Variants in MAP2K6 observed in about 807,000 individuals in gnomAD.
MAP2K6 encodes mitogen-activated protein kinase kinase 6, also known as dual specificity mitogen-activated protein kinase kinase 6.
A neutral mutation model predicts 53.7 loss-of-function variants in MAP2K6; 16 were observed. That is an observed-to-expected ratio of 0.30 (90% CI 0.20 to 0.45). The LOEUF (loss-of-function observed/expected upper bound fraction) is 0.45, where lower values mean the gene tolerates loss of function less well. MAP2K6 is among the 20% of genes least tolerant of loss of function. The pLI is 1.00. For synonymous variants in MAP2K6, 132 were observed against 143.1 expected, an observed-to-expected ratio of 0.92 and a Z score of 0.55; for missense variants, 204 against 411.9, an observed-to-expected ratio of 0.50 and a Z score of 4.37.
rs545599117 is a variant in MAP2K6 at position 69,452,100 on chromosome 17, C to T, written c.16+37100C>T. On this transcript the variant is annotated intron_variant, in intron 1 of 11. Coordinates refer to ENST00000590474, the MANE Select transcript of MAP2K6 (RefSeq NM_002758.4). ...AGAGTCTATGGACAAGTTCCCCTAA[C>T]GCAGTGCTTCTCAACGGAGGGTGGG... Among the ~76,000 whole-genome samples the T allele has an allele frequency of 2.5e-3, 377 of 151,976 alleles. 3 individuals carry two copies. Among genetic ancestry groups the T allele is most frequent in the African/African-American group, 8.6e-3 (355 of 41,416 alleles).
intron 9 of MAP2K6, 54 bp from the exon 10 acceptor site, chr17:69,526,516 T>G (rs1378183637): frequency 6.3e-7 from 1 of 1,581,436 alleles, no homozygotes; most frequent in Non-Finnish European, 8.6e-7. Context: ...CGTGGGTGAT[T>G]CCCTAAAGCA....
intron 1 of MAP2K6, among the ~76,000 whole-genome samples, chr17:69,437,992 A>G (rs1366735389): frequency 6.6e-6 from 1 of 152,238 alleles, no homozygotes; most frequent in Non-Finnish European, 1.5e-5. Flanking sequence ...ATGAAAACCT[A>G]GTATCTGGAG....
chr17:69,444,523 A>G (rs567666021), intron 1 of MAP2K6, among the ~76,000 whole-genome samples: 10 of 152,340 alleles, frequency 6.6e-5, no homozygotes, highest in African/African-American at 2.4e-4. Flanking sequence ...GGTCTGGTGC[A>G]ATATAACACA....
At chr17:69,517,928 C>T (rs543699482) in intron 4 of MAP2K6, among the ~76,000 whole-genome samples, 20 of 152,250 alleles carry the variant, frequency 1.3e-4, no homozygotes, top group East Asian at 9.7e-4. Context: ...TGGTGGCTCA[C>T]GCCTGTAATC....
At chr17:69,418,116 G>T (rs142650796) in intron 1 of MAP2K6, among the ~76,000 whole-genome samples, 117 of 152,178 alleles carry the variant, frequency 7.7e-4, no homozygotes, top group Admixed American at 2.0e-3. Context: ...TGTACCAGAC[G>T]GACTTGTCAT....
rs1469444608 is a variant in MAP2K6 at position 69,546,262 on chromosome 17, C to G, written c.*4509C>G. ...TGCCATTGGCTAATTCATTTTTTAA[C>G]TGCAACCCTACTCTTCTTTGCTGTT... On this transcript the variant is annotated 3_prime_UTR_variant, in exon 12 of 12. Transcript: ENST00000590474. The G allele has an allele frequency of 1.3e-5, 2 of 152,120 alleles. No homozygotes were observed. Among genetic ancestry groups the G allele is most frequent in the Non-Finnish European group, 2.9e-5 (2 of 68,024 alleles). The allele number at this position is 152,120 out of a possible 1,614,324, so 9.4% of individuals were successfully genotyped here.
At chr17:69,521,836 A>G (rs1398940136) in intron 7 of MAP2K6, 1 of 138,544 alleles carries the variant, frequency 7.2e-6, no homozygotes, top group Admixed American at 7.2e-5. Context: ...AAAAAAAACC[A>G]CCTTAGAAAT....
rs900503846 is a variant in MAP2K6 at position 69,542,747 on chromosome 17, G to A, written c.*994G>A. 6 of 152,134 alleles carry A rather than the reference G, an allele frequency of 3.9e-5. No individual in the cohort carries two copies. Among genetic ancestry groups the A allele is most frequent in the African/African-American group, 1.4e-4 (6 of 41,418 alleles). 9.4% of individuals were successfully genotyped at this position (152,134 alleles called of 1,614,324 possible). Reference sequence around the variant, plus strand: ...AGAAAAAAATGGTGCCTTCTTCTGCGTTTGTCCCTCCTGCCATGTGTAAGT... The same window carrying A: ...AGAAAAAAATGGTGCCTTCTTCTGCATTTGTCCCTCCTGCCATGTGTAAGT... On this transcript the variant is annotated 3_prime_UTR_variant, in exon 12 of 12. Coordinates refer to ENST00000590474, the MANE Select transcript of MAP2K6 (RefSeq NM_002758.4).
intron 1 of MAP2K6, among the ~76,000 whole-genome samples, chr17:69,476,051 G>A (rs375250392): frequency 1.3e-5 from 2 of 152,106 alleles, no homozygotes; most frequent in South Asian, 4.2e-4. Flanking sequence ...CCTATGGAGT[G>A]GATTGGAATT....
At chr17:69,467,148 A>T (rs938384001) in intron 1 of MAP2K6, among the ~76,000 whole-genome samples, 1 of 152,192 alleles carries the variant, frequency 6.6e-6, no homozygotes, top group Admixed American at 6.5e-5. Flanking sequence ...TGTTCCACTA[A>T]TTATTTCTTC....
At chr17:69,470,718 G>T (rs1907958253) in intron 1 of MAP2K6, among the ~76,000 whole-genome samples, 1 of 152,184 alleles carries the variant, frequency 6.6e-6, no homozygotes, top group Non-Finnish European at 1.5e-5. Flanking sequence ...GGCACTACCT[G>T]CTTACCTCTG....
intron 1 of MAP2K6, among the ~76,000 whole-genome samples, chr17:69,438,866 T>G (rs1158081247): frequency 6.6e-6 from 1 of 152,236 alleles, no homozygotes; most frequent in Non-Finnish European, 1.5e-5. Flanking sequence ...ATTGCAGGCA[T>G]GAGCCACCGC....
intron 1 of MAP2K6, among the ~76,000 whole-genome samples, chr17:69,459,709 CAAAAAAA>C (rs71144694): frequency 1.8e-5 from 1 of 55,918 alleles, no homozygotes; most frequent in Non-Finnish European, 2.9e-5. Context: ...GACTCTGTCT[CAAAAAAA>C]AAAAAAAAAA....
Position 69,449,739 on chromosome 17 carries a change from G to C in MAP2K6, c.16+34739G>C, listed in dbSNP as rs541270106. ...CGCCATTCTCCTGCCTCAGCCTCCT[G>C]AGTAGCTGGGACTACAGGCGCCCGC... is the stretch of plus-strand genomic sequence containing the variant. On this transcript the variant is annotated intron_variant, in intron 1 of 11. Transcript: ENST00000590474. 4.2e-5 allele frequency among the ~76,000 whole-genome samples: 6 copies of C among 142,752 alleles called. No homozygotes were observed. The South Asian group carries it at 6.7e-4, about 16-fold the overall frequency. The allele number at this position is 142,752 out of a possible 152,430, so 93.7% of individuals were successfully genotyped here.
chr17:69,418,965 C>T (rs926005405), intron 1 of MAP2K6, among the ~76,000 whole-genome samples: 5 of 151,990 alleles, frequency 3.3e-5, no homozygotes, highest in Non-Finnish European at 5.9e-5. Context: ...GTCATACCAC[C>T]CAGAGCTAAT....
chr17:69,502,142 G>C (rs185972012), intron 1 of MAP2K6: 1 of 984,720 alleles, frequency 1.0e-6, no homozygotes, highest in Non-Finnish European at 1.2e-6. Flanking sequence ...TTAATGTCAC[G>C]CCTGGGTGTC....
chr17:69,472,420 C>T (rs1908010254), intron 1 of MAP2K6, among the ~76,000 whole-genome samples: 1 of 152,132 alleles, frequency 6.6e-6, no homozygotes, highest in African/African-American at 2.4e-5. Context: ...AATCGGTTCC[C>T]AACCAGGGCC....
At chr17:69,527,598 C>T (rs1170357950) in intron 10 of MAP2K6, among the ~76,000 whole-genome samples, 1 of 152,148 alleles carries the variant, frequency 6.6e-6, no homozygotes, top group Non-Finnish European at 1.5e-5. Flanking sequence ...AGAAGTGAAG[C>T]ACACCCCTGA....
At chr17:69,537,757 T>C (rs922402501) in intron 11 of MAP2K6, among the ~76,000 whole-genome samples, 15 of 152,232 alleles carry the variant, frequency 9.9e-5, no homozygotes, top group African/African-American at 3.4e-4. Flanking sequence ...CTCAGCACTC[T>C]ACCATCTTTA....
Sources: allele counts gnomAD v4.1 joint callset (sites outside exome capture counted in the v4.1 genomes callset), GRCh38; gene constraint gnomAD v4.1.1; transcripts MANE v1.5; gene names NCBI Gene and HGNC (gene_info 2026-07-23, HGNC 2026-07-21).